The following MYT1L variants were observed in gnomAD, a reference collection of about 807,000 sequenced individuals.
MYT1L encodes myelin transcription factor 1 like.
A neutral mutation model predicts 126.7 loss-of-function variants in MYT1L; 12 were observed. The observed-to-expected ratio is 0.09, with a 90% CI of 0.06 to 0.15. The LOEUF (loss-of-function observed/expected upper bound fraction) is 0.15. MYT1L is among the 10% of genes least tolerant of loss of function. The probability of loss-of-function intolerance (pLI) is 1.00; values close to 1 mark genes in which losing one functional copy is unlikely to be tolerated. For missense variants in MYT1L, 979 were observed against 1,585.2 expected (o/e 0.62, Z 6.49); for synonymous variants, 541 against 604.2 (o/e 0.90, Z 1.53).
chr2:2,143,837 T>C (rs2084425818), intron 3 of MYT1L, among the ~76,000 whole-genome samples: 1 of 152,040 alleles, frequency 6.6e-6, no homozygotes, highest in Non-Finnish European at 1.5e-5. Context: ...TGGAGGCCAT[T>C]ATCCTAAGTG....
chr2:2,028,562 A>G (rs1328638293), intron 4 of MYT1L, among the ~76,000 whole-genome samples: 1 of 152,132 alleles, frequency 6.6e-6, no homozygotes, highest in Admixed American at 6.5e-5. Flanking sequence ...AGAATTTTAG[A>G]GGAAATTAAA....
chr2:1,803,119 A>G (rs2035135455), intron 22 of MYT1L, among the ~76,000 whole-genome samples: 1 of 152,208 alleles, frequency 6.6e-6, no homozygotes, highest in Admixed American at 6.5e-5. Flanking sequence ...GATCAGTGGG[A>G]TTGGGCCTTA....
chr2:2,015,738 C>T (rs930437768), intron 4 of MYT1L, among the ~76,000 whole-genome samples: 2 of 152,108 alleles, frequency 1.3e-5, no homozygotes, highest in Admixed American at 6.5e-5. Flanking sequence ...ACCAGCACAC[C>T]GGCTGTCCAC....
intron 2 of MYT1L, among the ~76,000 whole-genome samples, chr2:2,281,857 C>T (rs935566309): frequency 1.3e-5 from 2 of 152,004 alleles, no homozygotes; most frequent in African/African-American, 4.8e-5. Context: ...AATGAGTTGC[C>T]TTGTTGAGTT....
Position 1,979,649 on chromosome 2 carries a change from C to A in MYT1L, c.55+74G>T. On this transcript the variant is annotated intron_variant, in intron 6 of 24. Coordinates refer to ENST00000647738, the MANE Select transcript of MYT1L (RefSeq NM_001303052.2). The surrounding 1 kb of genome is among the most constrained non-coding windows in gnomAD (Gnocchi z 4.0). The stretch of plus-strand genomic sequence containing the variant: ...CAAAAGGGTGGCATGAAAGTGGGGT[C>A]AGAATCGACCTCAGTTCCGCAGGAT... 6.2e-7 allele frequency: 1 copy of A among 1,606,146 alleles called. No individual in the cohort carries two copies.
Position 1,898,338 on chromosome 2 carries a change from G to A in MYT1L, c.2032+4742C>T, listed in dbSNP as rs565707773. 3.3e-5 allele frequency among the ~76,000 whole-genome samples: 5 copies of A among 152,262 alleles called. No homozygotes were observed. The East Asian group carries it at 5.8e-4, about 18-fold the overall frequency. ...ACTGAGTCTCATAGTCTTTACACACGTCCAACTAGTGTTTCAAGTAAGTTG... is the reference window on the plus strand; with the variant it reads ...ACTGAGTCTCATAGTCTTTACACACATCCAACTAGTGTTTCAAGTAAGTTG... On this transcript the variant is annotated intron_variant, in intron 14 of 24. Transcript: ENST00000647738.
chr2:2,236,828 TTTTTGA>T (rs2094333046), intron 2 of MYT1L, among the ~76,000 whole-genome samples: 2 of 138,304 alleles, frequency 1.4e-5, no homozygotes, highest in African/African-American at 5.5e-5. Flanking sequence ...TTTTTTTTTT[TTTTTGA>T]TGGAGTTTCG....
intron 2 of MYT1L, among the ~76,000 whole-genome samples, chr2:2,215,749 G>T (rs2093656934): frequency 6.6e-6 from 1 of 152,132 alleles, no homozygotes; most frequent in African/African-American, 2.4e-5. Flanking sequence ...AGTCCACAGT[G>T]AACATTTACC....
chr2:2,307,624 C>CAA (rs2095875880), intron 1 of MYT1L, among the ~76,000 whole-genome samples: 3 of 151,948 alleles, frequency 2.0e-5, no homozygotes, highest in African/African-American at 2.4e-5. Flanking sequence ...AAGTATGACA[C>CAA]TCGTGATCTC....
At chr2:1,871,963 G>A (rs374869021) in intron 18 of MYT1L, among the ~76,000 whole-genome samples, 4 of 152,106 alleles carry the variant, frequency 2.6e-5, no homozygotes, top group East Asian at 1.9e-4. Flanking sequence ...TGGAGGAGGC[G>A]CATTGTATGA....
chr2:1,833,656 C>T (rs2040472017), intron 21 of MYT1L, among the ~76,000 whole-genome samples: 2 of 152,214 alleles, frequency 1.3e-5, no homozygotes, highest in African/African-American at 4.8e-5. Flanking sequence ...AACATGGCAT[C>T]TTCCCCAAAG....
chr2:2,201,823 C>T (rs189693471), intron 2 of MYT1L, among the ~76,000 whole-genome samples: 123 of 152,216 alleles, frequency 8.1e-4, no homozygotes, highest in Non-Finnish European at 1.5e-3. Flanking sequence ...AACACTAAAA[C>T]TTTTCTAAAC....
At chr2:1,815,982 A>G (rs749910079) in intron 21 of MYT1L, among the ~76,000 whole-genome samples, 13 of 152,074 alleles carry the variant, frequency 8.5e-5, no homozygotes, top group Non-Finnish European at 1.9e-4. Context: ...TGGCACAGTT[A>G]TCTCTTTTTT....
chr2:1,891,536 T>G (rs2048876340), intron 15 of MYT1L, among the ~76,000 whole-genome samples: 1 of 152,142 alleles, frequency 6.6e-6, no homozygotes, highest in African/African-American at 2.4e-5. Context: ...AACTGACGAG[T>G]GCTGGCTGTA....
At chr2:2,315,272 C>A (rs543144349) in intron 1 of MYT1L, among the ~76,000 whole-genome samples, 2 of 152,216 alleles carry the variant, frequency 1.3e-5, no homozygotes, top group East Asian at 1.9e-4. Flanking sequence ...AGATTTGCAC[C>A]TACAGACATT....
intron 8 of MYT1L, among the ~76,000 whole-genome samples, chr2:1,971,298 A>G (rs4853752): frequency 0.44 from 66,618 of 152,204 alleles, 17,353 homozygotes; most frequent in African/African-American, 0.74. Flanking sequence ...GGCCATGCCC[A>G]GAGGTGTGTC....
At chr2:1,878,232 C>T (rs2047158742) in intron 18 of MYT1L, among the ~76,000 whole-genome samples, 2 of 152,226 alleles carry the variant, frequency 1.3e-5, no homozygotes. Flanking sequence ...CACCGTGCAG[C>T]TTGCAGGTAT....
At chr2:1,998,211 T>C (rs1029929290) in intron 4 of MYT1L, among the ~76,000 whole-genome samples, 1 of 152,144 alleles carries the variant, frequency 6.6e-6, no homozygotes, top group Non-Finnish European at 1.5e-5. Flanking sequence ...TGCTTCTTGC[T>C]CTCCAGGGTT....
intron 5 of MYT1L, among the ~76,000 whole-genome samples, chr2:1,992,907 C>A (rs2061551314): frequency 6.6e-6 from 1 of 152,130 alleles, no homozygotes; most frequent in South Asian, 2.1e-4. Flanking sequence ...TTTTGCAGAC[C>A]CTGCACCTGA....
Sources: allele counts gnomAD v4.1 joint callset (sites outside exome capture counted in the v4.1 genomes callset), GRCh38; gene constraint gnomAD v4.1.1; non-coding constraint Gnocchi (gnomAD v3.1); transcripts MANE v1.5; gene names NCBI Gene and HGNC (gene_info 2026-07-23, HGNC 2026-07-21).